The following CSMD1 variants were observed in gnomAD, a reference collection of about 807,000 sequenced individuals.
CSMD1 encodes CUB and sushi domain-containing protein 1.
Under a neutral mutation model 417.5 loss-of-function variants are expected in CSMD1, and 213 were observed. The observed-to-expected ratio is 0.51, with a 90% CI of 0.46 to 0.57. The LOEUF is 0.57. Among genes scored for constraint, CSMD1 ranks in the 20% least tolerant of loss-of-function variants. The probability of loss-of-function intolerance (pLI) is 0.00; values close to 1 mark genes in which losing one functional copy is unlikely to be tolerated. For missense variants in CSMD1, 6,923 were observed against 4,529.7 expected (o/e 1.53, Z -15.17); for synonymous variants, 2,862 against 1,736.8 (o/e 1.65, Z -16.11).
chr8:3,915,744 T>C (rs1808774165), intron 5 of CSMD1, among the ~76,000 whole-genome samples: 4 of 150,554 alleles, frequency 2.7e-5, no homozygotes, highest in Non-Finnish European at 4.4e-5. Flanking sequence ...GCTCAAATTA[T>C]GAACTCTCTC....
At chr8:4,031,715 T>C (rs1797356520) in intron 4 of CSMD1, among the ~76,000 whole-genome samples, 190 bp downstream of exon 4, 1 of 152,332 alleles carries the variant, frequency 6.6e-6, no homozygotes, top group Non-Finnish European at 1.5e-5. Context: ...TTAAATGTTA[T>C]TACACATTAC....
At chr8:4,236,318 G>GT (rs1484235768) in intron 3 of CSMD1, among the ~76,000 whole-genome samples, 1 of 152,030 alleles carries the variant, frequency 6.6e-6, no homozygotes, top group Non-Finnish European at 1.5e-5. Context: ...AAACAGTATA[G>GT]TATAGTAGTT....
rs1796837826 is a variant in CSMD1 at position 4,776,042 on chromosome 8, C to G, written c.86-138484G>C. Among the ~76,000 whole-genome samples, 6 of 152,058 alleles carry G rather than the reference C, an allele frequency of 3.9e-5. No individual in the cohort carries two copies. In the South Asian group the frequency reaches 1.2e-3, roughly 32 times the overall value. ...GACTTGAGGGCAGTTTGACAAATTACAGATGTGATGATTCTAGGAAATGAG... is the reference window on the plus strand; with the variant it reads ...GACTTGAGGGCAGTTTGACAAATTAGAGATGTGATGATTCTAGGAAATGAG... On this transcript the variant is annotated intron_variant, in intron 1 of 69. Coordinates refer to ENST00000635120, the MANE Select transcript of CSMD1 (RefSeq NM_033225.6).
intron 11 of CSMD1, among the ~76,000 whole-genome samples, chr8:3,469,367 G>C (rs1404488278): frequency 6.6e-6 from 1 of 152,144 alleles, no homozygotes; most frequent in Non-Finnish European, 1.5e-5. Flanking sequence ...TATACATTAA[G>C]AGAATTTTGA....
chr8:3,577,339 A>T (rs1011689364), intron 9 of CSMD1, among the ~76,000 whole-genome samples: 1 of 152,256 alleles, frequency 6.6e-6, no homozygotes, highest in African/African-American at 2.4e-5. Context: ...TTTCACACAA[A>T]GCAAGTCATG....
intron 47 of CSMD1, among the ~76,000 whole-genome samples, chr8:3,094,563 C>A (rs1309547442): frequency 6.6e-6 from 1 of 152,060 alleles, no homozygotes; most frequent in African/African-American, 2.4e-5. Context: ...GGAAGGTATC[C>A]ATTTCTGTTA....
At chr8:3,795,301 T>C (rs1306297522) in intron 5 of CSMD1, among the ~76,000 whole-genome samples, 1 of 72,380 alleles carries the variant, frequency 1.4e-5, no homozygotes, top group Non-Finnish European at 2.6e-5. Flanking sequence ...TGTACAGATA[T>C]ATATATCTAT....
chr8:2,952,823 T>C lies in CSMD1; in HGVS notation c.10039+1401A>G, dbSNP rs1035369031. Among the ~76,000 whole-genome samples, 12 of 152,122 alleles carry C rather than the reference T, an allele frequency of 7.9e-5. 1 individual carries two copies. The highest frequency in any genetic ancestry group is 4.6e-4 in the Admixed American group (7 of 15,276). On this transcript the variant is annotated intron_variant, in intron 65 of 69. Transcript: ENST00000635120. ...GCTGGGTAGGGTAAGATACAACCAA[T>C]GTCTTAGAAGTGGCTTCTGTGTATT...
intron 3 of CSMD1, among the ~76,000 whole-genome samples, chr8:4,220,116 A>AT (rs1231429261): frequency 6.6e-6 from 1 of 151,710 alleles, no homozygotes; most frequent in Non-Finnish European, 1.5e-5. Flanking sequence ...TGCCCAGCTG[A>AT]TTTTTTGTAT....
intron 3 of CSMD1, among the ~76,000 whole-genome samples, chr8:4,361,000 C>T (rs1419486481): frequency 6.6e-6 from 1 of 152,100 alleles, no homozygotes; most frequent in African/African-American, 2.4e-5. Context: ...TATTTGAAGA[C>T]ATTTTAAAAT....
chr8:3,196,621 G>A (rs1796717515), intron 33 of CSMD1, among the ~76,000 whole-genome samples: 1 of 152,104 alleles, frequency 6.6e-6, no homozygotes, highest in Non-Finnish European at 1.5e-5. Context: ...AATTCTATTT[G>A]ATTATATCAC....
intron 30 of CSMD1, among the ~76,000 whole-genome samples, chr8:3,212,001 C>G (rs768040658): frequency 6.6e-6 from 1 of 152,168 alleles, no homozygotes; most frequent in Non-Finnish European, 1.5e-5. Flanking sequence ...CTCGTGCCCA[C>G]CTCACCAAGT....
chr8:4,034,929 G>A (rs1056480150), intron 3 of CSMD1, among the ~76,000 whole-genome samples: 6 of 152,036 alleles, frequency 3.9e-5, no homozygotes, highest in Admixed American at 6.6e-5. Context: ...TGTCACACAC[G>A]GAAAATGCAA....
intron 42 of CSMD1, 26 bp downstream of exon 42, chr8:3,118,373 G>T: frequency 6.5e-7 from 1 of 1,534,118 alleles, no homozygotes; most frequent in African/African-American, 1.4e-5. Flanking sequence ...ACATTAAATC[G>T]CCCCCATGCA....
At chr8:4,342,822 C>G (rs28403892) in intron 3 of CSMD1, among the ~76,000 whole-genome samples, 8,679 of 151,900 alleles carry the variant, frequency 0.057, 734 homozygotes, top group African/African-American at 0.19. Flanking sequence ...CACAACATCG[C>G]AAAGAAAAAG....
At chr8:3,400,420 A>C (rs1465753809) in intron 15 of CSMD1, among the ~76,000 whole-genome samples, 4 of 152,142 alleles carry the variant, frequency 2.6e-5, no homozygotes, top group Non-Finnish European at 5.9e-5. Flanking sequence ...CATATGTATA[A>C]TGTAAAAATG....
intron 54 of CSMD1, among the ~76,000 whole-genome samples, chr8:2,986,629 C>T (rs995271057): frequency 1.3e-5 from 2 of 152,032 alleles, no homozygotes; most frequent in African/African-American, 4.8e-5. Context: ...CTCAGTCTCC[C>T]GAGTAGGTGG....
intron 3 of CSMD1, among the ~76,000 whole-genome samples, chr8:4,303,477 A>T (rs1396377074): frequency 9.5e-6 from 1 of 105,416 alleles, no homozygotes; most frequent in African/African-American, 3.8e-5. Flanking sequence ...TGCTGAGCTC[A>T]TGTTGATTTT....
chr8:3,441,781 G>C (rs1420494073), intron 12 of CSMD1, among the ~76,000 whole-genome samples: 1 of 152,028 alleles, frequency 6.6e-6, no homozygotes, highest in Non-Finnish European at 1.5e-5. Context: ...CTATGACATT[G>C]CTTTATATAT....
Sources: allele counts gnomAD v4.1 joint callset (sites outside exome capture counted in the v4.1 genomes callset), GRCh38; gene constraint gnomAD v4.1.1; transcripts MANE v1.5; gene names NCBI Gene and HGNC (gene_info 2026-07-23, HGNC 2026-07-21).